Variants in EIPR1 observed in about 807,000 individuals in gnomAD.
EIPR1 encodes the protein EARP complex and GARP complex interacting protein 1.
In EIPR1, 25 loss-of-function variants were observed where a neutral mutation model predicts 48.1. That is an observed-to-expected ratio of 0.52 (90% CI 0.38 to 0.73). EIPR1 has a LOEUF of 0.73. Among genes scored for constraint, EIPR1 ranks in the 30% least tolerant of loss-of-function variants. The probability of loss-of-function intolerance (pLI) is 0.00; values close to 1 mark genes in which losing one functional copy is unlikely to be tolerated. For synonymous variants in EIPR1, 204 were observed against 201.9 expected, an observed-to-expected ratio of 1.01 and a Z score of -0.09; for missense variants, 415 against 506.2, an observed-to-expected ratio of 0.82 and a Z score of 1.73.
intron 3 of EIPR1, among the ~76,000 whole-genome samples, chr2:3,266,840 A>G (rs1389040934): frequency 6.6e-6 from 1 of 152,224 alleles, no homozygotes; most frequent in Non-Finnish European, 1.5e-5. Context: ...CCTACTCCAC[A>G]TGCCAGAAAG....
In EIPR1 at chr2:3,377,818, T is replaced by G; in HGVS notation, c.-129A>C. 1 of 1,128,560 alleles carries G rather than the reference T, an allele frequency of 8.9e-7. No individual in the cohort carries two copies. The highest frequency in any genetic ancestry group is 1.5e-5 in the South Asian group (1 of 67,984). 69.9% of individuals were successfully genotyped at this position (1,128,560 alleles called of 1,614,324 possible). A position where few individuals can be genotyped will look rare whatever the true frequency, so the allele number is the denominator to read the frequency against. On this transcript the variant is annotated 5_prime_UTR_variant, in exon 1 of 9. Coordinates refer to ENST00000382125, the MANE Select transcript of EIPR1 (RefSeq NM_003310.5). ...CTCCCCGCAGCAAACGACTCCAAAC[T>G]GGAAGTCTTTCTGGCCCAGAACAGC... is the stretch of plus-strand genomic sequence containing the variant.
At chr2:3,239,016 C>T (rs950949739) in intron 4 of EIPR1, among the ~76,000 whole-genome samples, 10 of 152,176 alleles carry the variant, frequency 6.6e-5, no homozygotes, top group African/African-American at 2.2e-4. Flanking sequence ...AAGGGGAGAG[C>T]ATGTTGAAGG....
intron 2 of EIPR1, among the ~76,000 whole-genome samples, chr2:3,343,819 AG>A (rs1670323962): frequency 6.6e-6 from 1 of 152,264 alleles, no homozygotes; most frequent in African/African-American, 2.4e-5. Context: ...CTGCAGGGCC[AG>A]GCTGCTGAGT....
chr2:3,211,951 G>C (rs1665471997), intron 5 of EIPR1, among the ~76,000 whole-genome samples: 1 of 152,204 alleles, frequency 6.6e-6, no homozygotes, highest in South Asian at 2.1e-4. Context: ...CCTGAGTTCT[G>C]CTAATGATTA....
rs1295362495 is a variant in EIPR1, at chr2:3,336,830, AGGG to A, written c.259+1184_259+1186del. Among the ~76,000 whole-genome samples, 606 of 146,732 alleles carry A rather than the reference AGGG, an allele frequency of 4.1e-3. 70 individuals are homozygous for A. The highest frequency in any genetic ancestry group is 5.6e-3 in the Non-Finnish European group (373 of 66,370). ...GAAAAGGAAAAGAAAAGAAAAGGGA[AGGG>A]AAGGGAAAGGAAGGGAAAAGGGAAG... On this transcript the variant is annotated intron_variant, in intron 3 of 8. Transcript: ENST00000382125.
intron 3 of EIPR1, among the ~76,000 whole-genome samples, chr2:3,283,561 C>T (rs932006052): frequency 2.6e-5 from 4 of 152,224 alleles, no homozygotes; most frequent in Middle Eastern, 3.2e-3. Context: ...GGCCAAAACT[C>T]GCCATGCCTT....
At chr2:3,246,233 A>G (rs907863454) in intron 4 of EIPR1, among the ~76,000 whole-genome samples, 8 of 152,184 alleles carry the variant, frequency 5.3e-5, no homozygotes, top group Admixed American at 6.5e-5. Flanking sequence ...CAAACACAAC[A>G]TTTACAAAAT....
chr2:3,313,119 T>G (rs1204547410), intron 3 of EIPR1, among the ~76,000 whole-genome samples: 1 of 152,136 alleles, frequency 6.6e-6, no homozygotes, highest in African/African-American at 2.4e-5. Flanking sequence ...TGCCTCCAAC[T>G]CAGAGTCCAC....
intron 2 of EIPR1, among the ~76,000 whole-genome samples, chr2:3,338,998 A>ACT (rs146006023): frequency 0.03 from 4,509 of 152,322 alleles, 222 homozygotes; most frequent in African/African-American, 0.1. Flanking sequence ...AAAAATTAGA[A>ACT]GTCACCTAAA....
chr2:3,250,483 G>A (rs1364593814), intron 4 of EIPR1, among the ~76,000 whole-genome samples: 1 of 152,194 alleles, frequency 6.6e-6, no homozygotes, highest in Non-Finnish European at 1.5e-5. Flanking sequence ...AGTCTCAAAT[G>A]AGACTTTGGA....
Position 3,373,922 on chromosome 2 carries a change from T to C in EIPR1, c.42+3726A>G, listed in dbSNP as rs540790390. ...CCAAAAAAGAGCCCTCATCGCCAAGTCAATCCTAAGCCAAAAGAACAAAGC... is the reference window on the plus strand; with the variant it reads ...CCAAAAAAGAGCCCTCATCGCCAAGCCAATCCTAAGCCAAAAGAACAAAGC... On this transcript the variant is annotated intron_variant, in intron 1 of 8. Transcript: ENST00000382125. Among the ~76,000 whole-genome samples, 8 of 151,620 alleles carry C rather than the reference T, an allele frequency of 5.3e-5. No homozygotes were observed. The East Asian group carries it at 1.6e-3, about 29-fold the overall frequency.
intron 4 of EIPR1, among the ~76,000 whole-genome samples, chr2:3,239,570 C>T (rs533132395): frequency 2.6e-5 from 4 of 152,342 alleles, no homozygotes; most frequent in South Asian, 2.1e-4. Context: ...TTGCTTTCCA[C>T]GTGTGGCCCT....
At chr2:3,223,159 G>C (rs1048310626) in intron 4 of EIPR1, among the ~76,000 whole-genome samples, 9 of 152,206 alleles carry the variant, frequency 5.9e-5, no homozygotes, top group African/African-American at 1.7e-4. Flanking sequence ...ACAACGAAGA[G>C]AGATGTGGCC....
At chr2:3,346,548 G>C (rs527474117) in intron 2 of EIPR1, among the ~76,000 whole-genome samples, 2 of 152,204 alleles carry the variant, frequency 1.3e-5, no homozygotes, top group African/African-American at 2.4e-5. Flanking sequence ...ATGGTCCTTG[G>C]CCTCACAATA....
intron 3 of EIPR1, among the ~76,000 whole-genome samples, chr2:3,274,582 G>A (rs1667792921): frequency 6.6e-6 from 1 of 151,652 alleles, no homozygotes; most frequent in Non-Finnish European, 1.5e-5. Context: ...AACTTCTAAG[G>A]ACATATTTGG....
At chr2:3,239,313 A>G (rs1245232874) in intron 4 of EIPR1, among the ~76,000 whole-genome samples, 1 of 152,212 alleles carries the variant, frequency 6.6e-6, no homozygotes, top group Non-Finnish European at 1.5e-5. Flanking sequence ...ACAGGTACAC[A>G]CAGAAGGGAG....
At chr2:3,192,870 G>GAA (rs5828967) in intron 7 of EIPR1, among the ~76,000 whole-genome samples, 2 of 145,060 alleles carry the variant, frequency 1.4e-5, no homozygotes, top group South Asian at 2.2e-4. Context: ...TCTAAAATTC[G>GAA]AAAAAAAAAA....
chr2:3,195,131 C>A (rs1248667772), intron 6 of EIPR1, among the ~76,000 whole-genome samples: 1 of 152,224 alleles, frequency 6.6e-6, no homozygotes, highest in East Asian at 1.9e-4. Flanking sequence ...GTCATAATAT[C>A]CTGCCTATGG....
At chr2:3,302,803 G>A (rs892049921) in intron 3 of EIPR1, among the ~76,000 whole-genome samples, 1 of 152,208 alleles carries the variant, frequency 6.6e-6, no homozygotes, top group African/African-American at 2.4e-5. Context: ...CAGGCCAGCC[G>A]TGTCTGCATG....
Sources: gnomAD v4.1 joint callset for allele counts (sites outside exome capture counted in the v4.1 genomes callset) on GRCh38, gnomAD v4.1.1 for gene constraint, MANE v1.5 for transcripts, NCBI Gene and HGNC (gene_info 2026-07-23, HGNC 2026-07-21) for gene names.